The following CEP97 variants were observed in gnomAD, a reference collection of about 807,000 sequenced individuals.
The protein encoded by CEP97 is centrosomal protein 97, also known as centrosomal protein of 97 kDa.
In CEP97, 43 loss-of-function variants were observed where a neutral mutation model predicts 73.1. That is an observed-to-expected ratio of 0.59 (90% CI 0.46 to 0.76). The LOEUF (loss-of-function observed/expected upper bound fraction) is 0.76, where lower values mean the gene tolerates loss of function less well. Among genes scored for constraint, CEP97 ranks in the 30% least tolerant of loss-of-function variants. The pLI is 0.00. For synonymous variants in CEP97, 337 were observed against 370.0 expected (o/e 0.91, Z 1.02); for missense variants, 939 against 1,014.0 (o/e 0.93, Z 1.00).
intron 6 of CEP97, among the ~76,000 whole-genome samples, chr3:101,740,743 C>T (rs1938425290): frequency 6.6e-6 from 1 of 152,150 alleles, no homozygotes; most frequent in African/African-American, 2.4e-5. Flanking sequence ...GCATGCGCCA[C>T]CACGCCTGGC....
At chr3:101,760,820 G>A (rs1248461048) in intron 9 of CEP97, among the ~76,000 whole-genome samples, 5 of 151,914 alleles carry the variant, frequency 3.3e-5, no homozygotes, top group South Asian at 4.2e-4. Context: ...GATTACAGGT[G>A]TGAATTACCT....
intron 9 of CEP97, among the ~76,000 whole-genome samples, chr3:101,760,039 A>C (rs1445451514): frequency 1.3e-5 from 2 of 150,846 alleles, no homozygotes; most frequent in African/African-American, 4.9e-5. Context: ...AAAAAAAAAA[A>C]AAAAAAAGAG....
intron 6 of CEP97, among the ~76,000 whole-genome samples, chr3:101,743,881 A>G (rs1396875603): frequency 6.6e-6 from 1 of 151,990 alleles, no homozygotes; most frequent in African/African-American, 2.4e-5. Flanking sequence ...GCGCGTGCCT[A>G]TAATCCCAGC....
At chr3:101,743,875 G>A (rs899367629) in intron 6 of CEP97, among the ~76,000 whole-genome samples, 3 of 152,008 alleles carry the variant, frequency 2.0e-5, no homozygotes, top group Admixed American at 6.6e-5. Context: ...ATGGTCGCGC[G>A]TGCCTATAAT....
intron 6 of CEP97, among the ~76,000 whole-genome samples, chr3:101,739,000 G>A (rs557425054): frequency 7.0e-4 from 106 of 152,154 alleles, no homozygotes; most frequent in Non-Finnish European, 1.1e-3. Flanking sequence ...GCATATCACC[G>A]TTGATCCCAT....
chr3:101,758,550 G>A, intron 9 of CEP97, 127 bp downstream of exon 9: 1 of 1,166,226 alleles, frequency 8.6e-7, no homozygotes, highest in Admixed American at 2.2e-5. Context: ...CTGTTGCTTT[G>A]GTTGTCTCCT....
intron 6 of CEP97, among the ~76,000 whole-genome samples, chr3:101,741,298 T>C (rs1252371614): frequency 6.6e-6 from 1 of 152,154 alleles, no homozygotes; most frequent in Non-Finnish European, 1.5e-5. Flanking sequence ...ATGTAAGACC[T>C]AAAACTGTAA....
chr3:101,743,768 C>A (rs372944165), intron 6 of CEP97, among the ~76,000 whole-genome samples: 1 of 152,112 alleles, frequency 6.6e-6, no homozygotes, highest in African/African-American at 2.4e-5. Context: ...CTTTGGGAGG[C>A]CAAGGCGGGA....
intron 3 of CEP97, among the ~76,000 whole-genome samples, chr3:101,728,039 G>A (rs897688218): frequency 6.6e-6 from 1 of 152,120 alleles, no homozygotes; most frequent in Admixed American, 6.6e-5. Flanking sequence ...ACATTTATCT[G>A]TATTAACTTA....
rs1246604793 is a variant in CEP97, at chr3:101,758,155, AAACCAGAAAATACAC to A, written c.1562_1576del (p.Thr521_Asn525del). The A allele has an allele frequency of 6.2e-7, 1 of 1,613,490 alleles. No individual in the cohort carries two copies. The highest frequency in any genetic ancestry group is 1.3e-5 in the African/African-American group (1 of 74,826). On this transcript the variant is annotated inframe_deletion, in exon 9 of 11. Coordinates refer to ENST00000341893, the MANE Select transcript of CEP97 (RefSeq NM_024548.4). ...TGAGCAGAAACAATCAGACATAAAG[AAACCAGAAAATACAC>A]AACCAGAAAATAAAGAAACCATATC...
At chr3:101,753,433 G>A (rs1368525253) in intron 6 of CEP97, among the ~76,000 whole-genome samples, 2 of 152,344 alleles carry the variant, frequency 1.3e-5, no homozygotes, top group East Asian at 3.9e-4. Context: ...TCTCTTCAAA[G>A]CTGTCAGACA....
intron 6 of CEP97, among the ~76,000 whole-genome samples, chr3:101,748,977 A>C (rs1302274024): frequency 1.3e-5 from 2 of 152,106 alleles, no homozygotes; most frequent in African/African-American, 2.4e-5. Flanking sequence ...TATTAAATAA[A>C]CTAAACTTTT....
At chr3:101,754,294 T>C (rs765355423) in intron 6 of CEP97, among the ~76,000 whole-genome samples, 1 of 152,072 alleles carries the variant, frequency 6.6e-6, no homozygotes, top group African/African-American at 2.4e-5. Flanking sequence ...TATATGTCTC[T>C]AAAGAGAAGA....
intron 6 of CEP97, among the ~76,000 whole-genome samples, chr3:101,750,134 C>T (rs1488440426): frequency 1.8e-4 from 26 of 141,402 alleles, no homozygotes; most frequent in African/African-American, 5.7e-4. Flanking sequence ...TTAGGTCTAA[C>T]GTTTAAGTCT....
At chr3:101,752,915 A>G (rs1310616544) in intron 6 of CEP97, among the ~76,000 whole-genome samples, 1 of 152,188 alleles carries the variant, frequency 6.6e-6, no homozygotes, top group African/African-American at 2.4e-5. Flanking sequence ...TTCTCCGTCC[A>G]GCTTTGTTCC....
At chr3:101,733,889 C>T (rs1029709063) in intron 6 of CEP97, among the ~76,000 whole-genome samples, 6 of 151,626 alleles carry the variant, frequency 4.0e-5, no homozygotes, top group South Asian at 2.1e-4. Flanking sequence ...TGCAATGGCG[C>T]GATCTCTGCT....
intron 8 of CEP97, 90 bp downstream of exon 8, chr3:101,757,286 AT>A (rs1939035248): frequency 1.4e-6 from 2 of 1,438,866 alleles, no homozygotes; most frequent in South Asian, 1.4e-5. Context: ...TATTTTCATA[AT>A]TTTTTGTTAG....
intron 6 of CEP97, among the ~76,000 whole-genome samples, chr3:101,751,798 A>G (rs1185388557): frequency 1.3e-5 from 2 of 151,956 alleles, no homozygotes; most frequent in East Asian, 1.9e-4. Flanking sequence ...TTTTGAGCCT[A>G]TGTGTGTCTC....
rs142030309 is a variant in CEP97, at chr3:101,743,291, A to G, written c.728+10637A>G. 1.1e-3 allele frequency among the ~76,000 whole-genome samples: 174 copies of G among 151,434 alleles called. 1 individual carries two copies. The highest frequency in any genetic ancestry group is 2.7e-3 in the East Asian group (14 of 5,172). On this transcript the variant is annotated intron_variant, in intron 6 of 10. Transcript: ENST00000341893. ...TCCCCTTTGTTTCCCTCTGGTCGTA[A>G]CTCCCCTCCTCACTAGAAGTAACTT...
Sources: allele counts gnomAD v4.1 joint callset (sites outside exome capture counted in the v4.1 genomes callset), GRCh38; gene constraint gnomAD v4.1.1; transcripts MANE v1.5; gene names NCBI Gene and HGNC (gene_info 2026-07-23, HGNC 2026-07-21).